The following CMTR1 variants were observed in gnomAD, a reference collection of about 807,000 sequenced individuals.
CMTR1 encodes the protein cap-specific mRNA (nucleoside-2'-O-)-methyltransferase 1.
A neutral mutation model predicts 107.0 loss-of-function variants in CMTR1; 39 were observed. The ratio of observed to expected loss-of-function variants is 0.36; its 90% confidence interval spans 0.28 to 0.48. The LOEUF (loss-of-function observed/expected upper bound fraction) is 0.48, where lower values mean the gene tolerates loss of function less well. CMTR1 is among the 20% of genes least tolerant of loss of function. The pLI, the probability that CMTR1 is intolerant of heterozygous loss-of-function variation, is 0.99. For synonymous variants in CMTR1, 366 were observed against 379.5 expected (o/e 0.96, Z 0.41); for missense variants, 672 against 1,064.9 (o/e 0.63, Z 5.14).
In CMTR1 at chr6:37,472,049, G is replaced by A. The variant is rs1391565789; in HGVS notation, c.1620+145G>A. On this transcript the variant is annotated intron_variant, in intron 15 of 23. Coordinates refer to ENST00000373451, the MANE Select transcript of CMTR1 (RefSeq NM_015050.3). This position sits in a 1 kb window ranked among gnomAD's most constrained non-coding sequence, Gnocchi z 4.1. ...ACAGCATCCCAGAGGTTGACATCTCGGCATTGTTGGTAGTTACGTCCTTGG... is the reference window on the plus strand; with the variant it reads ...ACAGCATCCCAGAGGTTGACATCTCAGCATTGTTGGTAGTTACGTCCTTGG... 8.0e-6 allele frequency: 6 copies of A among 753,732 alleles called. No individual in the cohort carries two copies. The highest frequency in any genetic ancestry group is 1.3e-5 in the Non-Finnish European group (6 of 467,470). The allele number at this position is 753,732 out of a possible 1,614,324, so 46.7% of individuals were successfully genotyped here. A position where few individuals can be genotyped will look rare whatever the true frequency, so the allele number is the denominator to read the frequency against.
At chr6:37,473,449 T>G in intron 16 of CMTR1, 21 bp from the exon 17 acceptor site, 1 of 1,609,198 alleles carries the variant, frequency 6.2e-7, no homozygotes, top group African/African-American at 1.3e-5. Context: ...CGGCAGTGTT[T>G]TCTCTGACTC....
intron 2 of CMTR1, among the ~76,000 whole-genome samples, 170 bp from the exon 3 acceptor site, chr6:37,443,829 A>G (rs922785095): frequency 1.3e-5 from 2 of 152,244 alleles, no homozygotes; most frequent in Admixed American, 1.3e-4. Flanking sequence ...TGACTTGCCC[A>G]AGATTACCTA....
At chr6:37,452,935 T>G in intron 6 of CMTR1, 112 bp from the exon 7 acceptor site, 8 of 885,256 alleles carry the variant, frequency 9.0e-6, no homozygotes, top group Non-Finnish European at 1.3e-5. Context: ...ATTTCAGAGC[T>G]GAGATGCCAC....
At chr6:37,446,560 T>C in intron 4 of CMTR1, 111 bp downstream of exon 4, 1 of 1,297,032 alleles carries the variant, frequency 7.7e-7, no homozygotes, top group Non-Finnish European at 1.1e-6. Context: ...ATGAGCAAAG[T>C]GGAATTAGTT....
chr6:37,453,457 C>G, intron 8 of CMTR1, 145 bp downstream of exon 8: 1 of 741,250 alleles, frequency 1.3e-6, no homozygotes, highest in Non-Finnish European at 2.3e-6. Flanking sequence ...AGATAGGGTC[C>G]CACAGTGCTT....
In CMTR1 at chr6:37,449,052, C is replaced by T. The variant is rs932243290; in HGVS notation, c.445-1199C>T. 4.6e-5 allele frequency among the ~76,000 whole-genome samples: 7 copies of T among 152,154 alleles called. 1 individual carries two copies. The highest frequency in any genetic ancestry group is 1.7e-4 in the African/African-American group (7 of 41,418). The stretch of plus-strand genomic sequence containing the variant: ...AAATCCTGGGCGCAAGATATCCTCT[C>T]ACCTCAGCCTTCTGAGTATCTACAA... On this transcript the variant is annotated intron_variant, in intron 4 of 23. Coordinates refer to ENST00000373451, the MANE Select transcript of CMTR1 (RefSeq NM_015050.3).
Position 37,469,613 on chromosome 6 carries a change from C to T in CMTR1, c.1506-1408C>T, listed in dbSNP as rs183309854. Among the ~76,000 whole-genome samples, 274 of 146,684 alleles carry T rather than the reference C, an allele frequency of 1.9e-3. 4 individuals are homozygous for T. Among genetic ancestry groups the T allele is most frequent in the Non-Finnish European group, 1.7e-3 (116 of 66,494 alleles). On this transcript the variant is annotated intron_variant, in intron 13 of 23. Transcript: ENST00000373451. ...TGTGATCTCGGCTCGCTGCCACCTC[C>T]GCCTCTGGGGTTCAAGTGATTCACC...
chr6:37,453,301 G>A lies in CMTR1; in HGVS notation c.766G>A (p.Asp256Asn), dbSNP rs1761224104. The change falls in exon 8 of 24, where the codon GAC (aspartate) becomes AAC (asparagine). Residue 256 changes from aspartate (D) to asparagine (N), a missense_variant. This residue lies in a region of CMTR1 where 583 missense variants were observed against 968.4 expected (regional missense o/e 0.60). Transcript: ENST00000373451. ...TGATCGCATGTTCACAAATCCGCGG[G>A]ACTCTTATGGGGTGAGAACAAGATT... is the stretch of plus-strand genomic sequence containing the variant. ...VFDRMFTNPR[D>N]SYGKPLVKDR... The A allele has an allele frequency of 6.2e-7, 1 of 1,614,026 alleles. No homozygotes were observed. Among genetic ancestry groups the A allele is most frequent in the Non-Finnish European group, 8.5e-7 (1 of 1,179,988 alleles).
At chr6:37,453,946 C>T (rs1761236737) in intron 8 of CMTR1, among the ~76,000 whole-genome samples, 1 of 152,204 alleles carries the variant, frequency 6.6e-6, no homozygotes, top group African/African-American at 2.4e-5. Flanking sequence ...CTTTCCTTCT[C>T]TGCCTCTCTG....
chr6:37,455,046 G>C (rs1036334017), intron 8 of CMTR1, among the ~76,000 whole-genome samples: 5 of 151,486 alleles, frequency 3.3e-5, no homozygotes, highest in Non-Finnish European at 7.4e-5. Context: ...ATGTGAAGAT[G>C]TTAAGAGGTG....
At position 37,436,917 on chromosome 6, in the gene CMTR1, C is replaced by T. The variant is rs142292330; in HGVS notation, c.133+1155C>T. ...TTGGTGACTGAAAGGGTGTGAAGCA[C>T]CCTTTGAAGGTAGTAGGAAATACAG... On this transcript the variant is annotated intron_variant, in intron 2 of 23. Coordinates refer to ENST00000373451, the MANE Select transcript of CMTR1 (RefSeq NM_015050.3). Among the ~76,000 whole-genome samples, 368 of 152,134 alleles carry T rather than the reference C, an allele frequency of 2.4e-3. 2 individuals carry two copies. The highest frequency in any genetic ancestry group is 8.4e-3 in the African/African-American group (347 of 41,482).
At chr6:37,428,569 T>C (rs191399433), upstream of CMTR1, among the ~76,000 whole-genome samples, 161 of 152,280 alleles carry the variant, frequency 1.1e-3, no homozygotes, top group African/African-American at 3.6e-3. Context: ...GCGATTCTCC[T>C]GCCTCAGCCT....
In CMTR1 at chr6:37,476,222, C is replaced by A. The variant is rs750448643; in HGVS notation, c.2105+28C>A. The A allele has an allele frequency of 1.9e-6, 3 of 1,612,080 alleles. No homozygotes were observed. The South Asian group carries it at 3.3e-5, about 18-fold the overall frequency. On this transcript the variant is annotated intron_variant, in intron 20 of 23. Transcript: ENST00000373451. The stretch of plus-strand genomic sequence containing the variant: ...GAGCATGTGGTCCCTACCCTCCATG[C>A]TTCTTTCTGGCCAGTACCTGCTGCT...
Position 37,471,961 on chromosome 6 carries a change from G to T in CMTR1, c.1620+57G>T. On this transcript the variant is annotated intron_variant, in intron 15 of 23. Transcript: ENST00000373451. ...GGGCAGGGAAGCCATAGAGAAGAATGGGGTTGACTCCCAATCCTGTCACCT... is the reference window on the plus strand; with the variant it reads ...GGGCAGGGAAGCCATAGAGAAGAATTGGGTTGACTCCCAATCCTGTCACCT... 6 of 1,525,960 alleles carry T rather than the reference G, an allele frequency of 3.9e-6. No homozygotes were observed. In the South Asian group the frequency reaches 6.9e-5, roughly 18 times the overall value. 94.5% of individuals were successfully genotyped at this position (1,525,960 alleles called of 1,614,324 possible).
intron 2 of CMTR1, among the ~76,000 whole-genome samples, chr6:37,437,859 A>G (rs1771573398): frequency 6.6e-6 from 1 of 152,204 alleles, no homozygotes; most frequent in South Asian, 2.1e-4. Flanking sequence ...ATCTGGTTCT[A>G]AGTGGATCTT....
At chr6:37,444,270 A>G (rs1357861520) in intron 3 of CMTR1, 120 bp downstream of exon 3, 2 of 1,258,076 alleles carry the variant, frequency 1.6e-6, no homozygotes, top group African/African-American at 1.5e-5. Flanking sequence ...CTTTTCAGCT[A>G]CTGAAATTTA....
At chr6:37,456,728 T>C (rs1435774470) in intron 8 of CMTR1, among the ~76,000 whole-genome samples, 1 of 152,180 alleles carries the variant, frequency 6.6e-6, no homozygotes, top group Non-Finnish European at 1.5e-5. Context: ...CTATAGTCTT[T>C]TGCAGTTACT....
chr6:37,448,101 C>T (rs925943651), intron 4 of CMTR1, among the ~76,000 whole-genome samples: 3 of 150,786 alleles, frequency 2.0e-5, no homozygotes, highest in African/African-American at 7.3e-5. Flanking sequence ...GTCCCAGCTA[C>T]TCGGGAGGCT....
intron 22 of CMTR1, 108 bp downstream of exon 22, chr6:37,478,629 TG>T: frequency 1.2e-6 from 1 of 839,564 alleles, no homozygotes; most frequent in Non-Finnish European, 2.0e-6. Context: ...CCAGCTAAGG[TG>T]GGTAGCAGCC....
Sources: allele counts gnomAD v4.1 joint callset (sites outside exome capture counted in the v4.1 genomes callset), GRCh38; gene constraint gnomAD v4.1.1; regional missense constraint gnomAD v4.1.1; non-coding constraint Gnocchi (gnomAD v3.1); transcripts MANE v1.5; gene names NCBI Gene and HGNC (gene_info 2026-07-23, HGNC 2026-07-21).